The following SENP3 variants were observed in gnomAD, a reference collection of about 807,000 sequenced individuals.
SENP3 encodes SUMO specific peptidase 3, also known as sentrin-specific protease 3.
SENP3 carries 11 observed loss-of-function variants against 66.2 expected under a neutral mutation model. The observed-to-expected ratio is 0.17, with a 90% confidence interval of 0.10 to 0.28. The LOEUF (loss-of-function observed/expected upper bound fraction) is 0.28, where lower values mean the gene tolerates loss of function less well. SENP3 is among the 10% of genes least tolerant of loss of function. The pLI, the probability that SENP3 is intolerant of heterozygous loss-of-function variation, is 1.00. For synonymous variants in SENP3, 292 were observed against 277.6 expected (o/e 1.05, Z -0.52); for missense variants, 548 against 743.7 (o/e 0.74, Z 3.06).
chr17:7,566,329 C>T (rs1193499436), intron 6 of SENP3, among the ~76,000 whole-genome samples: 18 of 140,020 alleles, frequency 1.3e-4, no homozygotes, highest in East Asian at 2.1e-4. Context: ...GCAACAAGAG[C>T]GGAATTCTGT....
chr17:7,563,311 G>C lies in SENP3; in HGVS notation c.235G>C (p.Glu79Gln), dbSNP rs369488631. The C allele has an allele frequency of 1.5e-5, 23 of 1,552,760 alleles. No homozygotes were observed. The South Asian group carries it at 2.7e-4, about 18-fold the overall frequency. ...TGATGCCTCAGCAAGTGAAGAGGAG[G>C]AAGAAGAGGAGGAGGAGGAGGATGA... Reference protein sequence around the residue: ...SFDASASEEEEEEEEEEDEDE... With the variant: ...SFDASASEEEQEEEEEEDEDE... The change falls in exon 2 of 11, where the codon GAA (glutamate) becomes CAA (glutamine). Residue 79 changes from glutamate to glutamine, a missense_variant. Glu to Gln is a conservative substitution (Grantham distance 29). Coordinates refer to ENST00000321337, the MANE Select transcript of SENP3 (RefSeq NM_015670.6).
At chr17:7,571,336 C>A in intron 10 of SENP3, 37 bp from the exon 11 acceptor site, 2 of 1,446,742 alleles carry the variant, frequency 1.4e-6, no homozygotes, top group Non-Finnish European at 1.9e-6. Flanking sequence ...GGTCCTGACA[C>A]GGGGGGTTTC....
chr17:7,567,132 G>A, intron 7 of SENP3, 128 bp downstream of exon 7: 1 of 729,050 alleles, frequency 1.4e-6, no homozygotes, highest in South Asian at 1.5e-5. Flanking sequence ...TCTTGTGTGT[G>A]TAGGCACTAA....
At position 7,570,790 on chromosome 17, in the gene SENP3, G is replaced by C. The variant is rs372839508; in HGVS notation, c.1563+26G>C. ...GTGAGTTTCCTGAGGGAGGGGTATA[G>C]GGTGTTGGTGGGGACAGTGGTAGAA... On this transcript the variant is annotated intron_variant, in intron 9 of 10. Coordinates refer to ENST00000321337, the MANE Select transcript of SENP3 (RefSeq NM_015670.6). This position sits in a 1 kb window ranked among gnomAD's most constrained non-coding sequence, Gnocchi z 5.4. The C allele has an allele frequency of 6.2e-7, 1 of 1,604,958 alleles. No individual in the cohort carries two copies. The highest frequency in any genetic ancestry group is 8.5e-7 in the Non-Finnish European group (1 of 1,174,840).
At chr17:7,569,435 T>C (rs1166296880) in intron 7 of SENP3, among the ~76,000 whole-genome samples, 1 of 147,398 alleles carries the variant, frequency 6.8e-6, no homozygotes, top group African/African-American at 2.5e-5. Flanking sequence ...ATGTGGGAAA[T>C]GAAGAAAAAG....
At chr17:7,564,056 A>G (rs142726310) in intron 2 of SENP3, among the ~76,000 whole-genome samples, 2 of 152,296 alleles carry the variant, frequency 1.3e-5, no homozygotes, top group East Asian at 3.9e-4. Context: ...AGCGCAGATG[A>G]GAAAGGGAGA....
Position 7,571,834 on chromosome 17 carries a change from CTT to C in SENP3, c.*354_*355del, listed in dbSNP as rs753447114. ...GATCACTGCCTGCCAGATCTTCAAA[CTT>C]TTATATATATATATATATATATATA... On this transcript the variant is annotated 3_prime_UTR_variant, in exon 11 of 11. Coordinates refer to ENST00000321337, the MANE Select transcript of SENP3 (RefSeq NM_015670.6). 2.2e-4 allele frequency: 16 copies of C among 73,384 alleles called. No individual in the cohort carries two copies. Among genetic ancestry groups the C allele is most frequent in the African/African-American group, 8.5e-4 (13 of 15,244 alleles). 4.5% of individuals were successfully genotyped at this position (73,384 alleles called of 1,614,324 possible).
intron 4 of SENP3, 61 bp from the exon 5 acceptor site, chr17:7,565,378 AG>A: frequency 4.4e-6 from 7 of 1,577,788 alleles, no homozygotes; most frequent in Non-Finnish European, 6.1e-6. Context: ...AGGGAGTAGT[AG>A]GTATTTCTGT....
At chr17:7,568,985 G>A (rs751752448) in intron 7 of SENP3, among the ~76,000 whole-genome samples, 10 of 152,182 alleles carry the variant, frequency 6.6e-5, no homozygotes, top group South Asian at 2.1e-4. Context: ...TGTGTCCACC[G>A]CAAAATTGCT....
At chr17:7,567,818 C>G (rs778388988) in intron 7 of SENP3, among the ~76,000 whole-genome samples, 1 of 151,866 alleles carries the variant, frequency 6.6e-6, no homozygotes, top group Non-Finnish European at 1.5e-5. Context: ...GATTTTATTG[C>G]GTGTATACTG....
rs763726289 is a variant in SENP3 at position 7,571,327 on chromosome 17, G to T, written c.1615-46G>T. ...ATCTCATATGAAATGTGTAGCACAG[G>T]TCCTGACACGGGGGGTTTCTCATGG... is the stretch of plus-strand genomic sequence containing the variant. On this transcript the variant is annotated intron_variant, in intron 10 of 10. Coordinates refer to ENST00000321337, the MANE Select transcript of SENP3 (RefSeq NM_015670.6). The T allele has an allele frequency of 2.2e-6, 3 of 1,364,838 alleles. No homozygotes were observed. The South Asian group carries it at 3.5e-5, about 16-fold the overall frequency. 84.5% of individuals were successfully genotyped at this position (1,364,838 alleles called of 1,614,324 possible).
At position 7,565,031 on chromosome 17, in the gene SENP3, TG is replaced by T; in HGVS notation, c.1030del (p.Glu344ArgfsTer20). The T allele has an allele frequency of 6.2e-7, 1 of 1,613,756 alleles. No individual in the cohort carries two copies. The highest frequency in any genetic ancestry group is 8.5e-7 in the Non-Finnish European group (1 of 1,179,666). On this transcript the variant is annotated frameshift_variant, in exon 4 of 11. Transcript: ENST00000321337. LOFTEE classifies it high-confidence loss of function. Reference protein sequence around the residue: ...PLSTDEVVEKLEDIFQQEFST... With the variant: ...PLSTDEVVEKXEDIFQQEFST... ...AGCACTGATGAGGTAGTAGAGAAGC[TG>T]GAGGACATTTTCCAGCAGGAGTTTT...
At position 7,561,993 on chromosome 17, in the gene SENP3, A is replaced by G. The variant is rs1344249173; in HGVS notation, c.-282A>G. 119 of 395,930 alleles carry G rather than the reference A, an allele frequency of 3.0e-4. No individual in the cohort carries two copies. In the Middle Eastern group the frequency reaches 3.2e-3, roughly 11 times the overall value. The allele number at this position is 395,930 out of a possible 1,614,324, so 24.5% of individuals were successfully genotyped here. A position where few individuals can be genotyped will look rare whatever the true frequency, so the allele number is the denominator to read the frequency against. On this transcript the variant is annotated 5_prime_UTR_variant, in exon 1 of 11. Coordinates refer to ENST00000321337, the MANE Select transcript of SENP3 (RefSeq NM_015670.6). This position sits in a 1 kb window ranked among gnomAD's most constrained non-coding sequence, Gnocchi z 4.4. ...GGAGGGGAAGGAGGAGGGGGGGAGGAGTGGCGGCGGCGGCGGTGGCGCTGG... is the reference window on the plus strand; with the variant it reads ...GGAGGGGAAGGAGGAGGGGGGGAGGGGTGGCGGCGGCGGCGGTGGCGCTGG...
Position 7,562,114 on chromosome 17 carries a change from C to G in SENP3, c.-161C>G. On this transcript the variant is annotated 5_prime_UTR_variant, in exon 1 of 11. Coordinates refer to ENST00000321337, the MANE Select transcript of SENP3 (RefSeq NM_015670.6). This position sits in a 1 kb window ranked among gnomAD's most constrained non-coding sequence, Gnocchi z 5.0. ...GGGTGCTCGGCGGCGCGGCACGCGG[C>G]CCAGAAGCGTTGGAATCCTGAATTG... The G allele has an allele frequency of 2.5e-6, 1 of 399,204 alleles. No homozygotes were observed. The highest frequency in any genetic ancestry group is 4.4e-6 in the Non-Finnish European group (1 of 226,508). 24.7% of individuals were successfully genotyped at this position (399,204 alleles called of 1,614,324 possible).
Position 7,564,702 on chromosome 17 carries a change from G to T in SENP3, c.793G>T (p.Asp265Tyr), listed in dbSNP as rs1183693991. 6.2e-7 allele frequency: 1 copy of T among 1,614,022 alleles called. No homozygotes were observed. Among genetic ancestry groups the T allele is most frequent in the Non-Finnish European group, 8.5e-7 (1 of 1,179,898 alleles). Residue 265 changes from aspartate to tyrosine, a missense_variant, in exon 3 of 11, where the codon GAT becomes TAT. Physicochemically the swap from Asp to Tyr is radical, Grantham distance 160. Around this residue, in one of 6 missense-constraint regions of SENP3, gnomAD observed 215 missense variants for 230.7 expected, o/e 0.93. Transcript: ENST00000321337. ...PEGERSLAPP[D>Y]ASILISNVCS... ...AGGGGAGCGCAGCTTGGCACCCCCTGATGCCAGCATCCTCATCAGCAATGT... is the reference window on the plus strand; with the variant it reads ...AGGGGAGCGCAGCTTGGCACCCCCTTATGCCAGCATCCTCATCAGCAATGT...
At chr17:7,565,346 A>C in intron 4 of SENP3, 94 bp from the exon 5 acceptor site, 1 of 1,454,972 alleles carries the variant, frequency 6.9e-7, no homozygotes, top group East Asian at 2.4e-5. Context: ...GAAAAAAGGG[A>C]GTCAGTTAGA....
chr17:7,563,606 C>A lies in SENP3; in HGVS notation c.530C>A (p.Pro177Gln). The change falls in exon 2 of 11, where the codon CCA becomes CAA. Residue 177 changes from proline to glutamine, a missense_variant. Coordinates refer to ENST00000321337, the MANE Select transcript of SENP3 (RefSeq NM_015670.6). The part of the protein sequence containing the change: ...HLSPQQGGAT[P>Q]QVPSPCCRFD... ...TCACCCCAGCAAGGGGGTGCGACGCCACAGGTGCCATCCCCCTGTTGTCGT... is the reference window on the plus strand; with the variant it reads ...TCACCCCAGCAAGGGGGTGCGACGCAACAGGTGCCATCCCCCTGTTGTCGT... 6.3e-7 allele frequency: 1 copy of A among 1,587,956 alleles called. No homozygotes were observed. Among genetic ancestry groups the A allele is most frequent in the East Asian group, 2.3e-5 (1 of 43,754 alleles).
At chr17:7,567,806 G>C (rs2150920478) in intron 7 of SENP3, among the ~76,000 whole-genome samples, 1 of 152,220 alleles carries the variant, frequency 6.6e-6, no homozygotes, top group Middle Eastern at 3.4e-3. Context: ...CTGAGGAGGG[G>C]GGATTTTATT....
Position 7,570,424 on chromosome 17 carries a change from T to C in SENP3, c.1410T>C (p.Ser470=). The change falls in exon 8 of 11, where the codon TCT becomes TCC. Residue 470 remains serine (S), a synonymous_variant. Coordinates refer to ENST00000321337, the MANE Select transcript of SENP3 (RefSeq NM_015670.6). This position sits in a 1 kb window ranked among gnomAD's most constrained non-coding sequence, Gnocchi z 5.4. ...IHLEVHWSLI[S]VDVRRRTITY... ...TGGAGGTGCATTGGTCCCTCATCTC[T>C]GTTGATGTGAGGCGACGCACCATCA... The C allele has an allele frequency of 6.2e-7, 1 of 1,613,878 alleles. No homozygotes were observed. Among genetic ancestry groups the C allele is most frequent in the Non-Finnish European group, 8.5e-7 (1 of 1,179,862 alleles).
Sources: allele counts gnomAD v4.1 joint callset (sites outside exome capture counted in the v4.1 genomes callset), GRCh38; gene constraint gnomAD v4.1.1; regional missense constraint gnomAD v4.1.1; non-coding constraint Gnocchi (gnomAD v3.1); transcripts MANE v1.5; gene names NCBI Gene and HGNC (gene_info 2026-07-23, HGNC 2026-07-21).